SLC2A9: variants seen among roughly 807,000 people sequenced by gnomAD.
SLC2A9 encodes solute carrier family 2, facilitated glucose transporter member 9.
SLC2A9 carries 39 observed loss-of-function variants against 50.6 expected under a neutral mutation model. That is an observed-to-expected ratio of 0.77 (90% CI 0.60 to 1.01). The LOEUF is 1.01. Among genes scored for constraint, SLC2A9 ranks in the 50% least tolerant of loss-of-function variants. The pLI, the probability that SLC2A9 is intolerant of heterozygous loss-of-function variation, is 0.00. For synonymous variants in SLC2A9, 324 were observed against 276.9 expected (o/e 1.17, Z -1.69); for missense variants, 686 against 677.6 (o/e 1.01, Z -0.14).
chr4:9,980,560 G>A, intron 5 of SLC2A9, 32 bp downstream of exon 5: 1 of 1,613,514 alleles, frequency 6.2e-7, no homozygotes. Flanking sequence ...TGAGATGAGA[G>A]CAGATGCGGT....
chr4:9,908,424 C>T (rs1283812421), intron 7 of SLC2A9, 79 bp from the exon 8 acceptor site: 2 of 1,020,214 alleles, frequency 2.0e-6, no homozygotes, highest in Non-Finnish European at 1.5e-6. Context: ...ATTTGGGTAT[C>T]AGGTGGTCTC....
chr4:9,989,744 TG>T (rs1757361303), intron 3 of SLC2A9, among the ~76,000 whole-genome samples: 1 of 152,086 alleles, frequency 6.6e-6, no homozygotes, highest in African/African-American at 2.4e-5. Flanking sequence ...AACCCTCGCC[TG>T]CAAAGTCCTC....
At chr4:9,880,931 T>C (rs1281218239) in intron 10 of SLC2A9, among the ~76,000 whole-genome samples, 1 of 152,184 alleles carries the variant, frequency 6.6e-6, no homozygotes, top group South Asian at 2.1e-4. Context: ...GTGAAATTCA[T>C]GCACACAGAC....
intron 5 of SLC2A9, among the ~76,000 whole-genome samples, chr4:9,963,426 G>A (rs1486752435): frequency 6.6e-6 from 1 of 152,206 alleles, no homozygotes; most frequent in Non-Finnish European, 1.5e-5. Flanking sequence ...CCTCCACATT[G>A]AGGGGGTAGC....
rs73805838 is a variant in SLC2A9 at position 9,773,765 on chromosome 4, A to G, written n.182-2396T>C. ...TCAGAGAGAGATCTTGGTTTCCAGT[A>G]GCTTTTAATTCTGCTCAACTCTTTG... is the stretch of plus-strand genomic sequence containing the variant. On this transcript the variant is annotated intron_variant and non_coding_transcript_variant, in intron 1 of 1. Coordinates refer to the SLC2A9 transcript ENST00000508585. Among the ~76,000 whole-genome samples the G allele has an allele frequency of 5.9e-3, 905 of 152,258 alleles. 11 individuals carry two copies. Among genetic ancestry groups the G allele is most frequent in the African/African-American group, 0.02 (849 of 41,528 alleles).
chr4:9,806,104 C>A (rs1207978974), intron 3 of SLC2A9, among the ~76,000 whole-genome samples: 1 of 152,188 alleles, frequency 6.6e-6, no homozygotes, highest in East Asian at 1.9e-4. Flanking sequence ...TCAGTAAATT[C>A]TTTCCACCTG....
chr4:9,866,722 C>T (rs883041), intron 10 of SLC2A9, among the ~76,000 whole-genome samples: 52,365 of 151,988 alleles, frequency 0.34, 10,652 homozygotes, highest in African/African-American at 0.55. Flanking sequence ...GCACCTTGGA[C>T]GTACTCCCCA....
intron 5 of SLC2A9, among the ~76,000 whole-genome samples, chr4:9,956,951 G>A (rs1202033458): frequency 6.6e-6 from 1 of 152,154 alleles, no homozygotes; most frequent in Non-Finnish European, 1.5e-5. Context: ...AGTGGAGGAA[G>A]TGGCACTCGG....
At chr4:9,825,719 G>A (rs542790283), downstream of SLC2A9, among the ~76,000 whole-genome samples, 47 of 152,260 alleles carry the variant, frequency 3.1e-4, no homozygotes, top group African/African-American at 7.2e-4. Context: ...TGAGGACAGC[G>A]TCAGCCCTGA....
At chr4:9,843,710 G>C (rs537268348) in intron 10 of SLC2A9, among the ~76,000 whole-genome samples, 3 of 152,310 alleles carry the variant, frequency 2.0e-5, no homozygotes, top group South Asian at 4.1e-4. Flanking sequence ...CTAATGCAGA[G>C]AATACACATT....
intron 8 of SLC2A9, among the ~76,000 whole-genome samples, chr4:9,905,034 G>A (rs1399548056): frequency 6.6e-6 from 1 of 152,190 alleles, no homozygotes; most frequent in Non-Finnish European, 1.5e-5. Context: ...CCCCTTATTT[G>A]AGAGGGAAGC....
intron 3 of SLC2A9, among the ~76,000 whole-genome samples, chr4:9,803,269 C>T (rs1721699547): frequency 1.3e-5 from 2 of 152,200 alleles, no homozygotes; most frequent in African/African-American, 4.8e-5. Flanking sequence ...ACAATATGAG[C>T]TTGAGGTTGT....
chr4:9,866,664 C>G (rs1309778459), intron 10 of SLC2A9, among the ~76,000 whole-genome samples: 1 of 152,122 alleles, frequency 6.6e-6, no homozygotes, highest in African/African-American at 2.4e-5. Flanking sequence ...GACGATGCTG[C>G]CATTACTCCT....
chr4:9,951,271 A>G (rs1371627262), intron 5 of SLC2A9, among the ~76,000 whole-genome samples: 1 of 152,172 alleles, frequency 6.6e-6, no homozygotes, highest in Non-Finnish European at 1.5e-5. Flanking sequence ...TCTCTCACTT[A>G]TATGTGGAAG....
chr4:9,951,956 C>A (rs1750357806), intron 5 of SLC2A9, among the ~76,000 whole-genome samples: 1 of 152,236 alleles, frequency 6.6e-6, no homozygotes, highest in Non-Finnish European at 1.5e-5. Context: ...GGCTAAAGCA[C>A]TGTGGCTTCC....
chr4:9,874,421 C>T (rs982520062), intron 10 of SLC2A9, among the ~76,000 whole-genome samples: 17 of 152,314 alleles, frequency 1.1e-4, no homozygotes, highest in African/African-American at 4.1e-4. Flanking sequence ...CAGCTGTCTG[C>T]TTACCCCACC....
intron 10 of SLC2A9, among the ~76,000 whole-genome samples, chr4:9,877,585 C>T (rs1206843274): frequency 6.6e-6 from 1 of 152,200 alleles, no homozygotes; most frequent in Non-Finnish European, 1.5e-5. Flanking sequence ...TCCTGTAAAT[C>T]CAGTAAGCAA....
chr4:9,795,029 T>TTA, downstream of SLC2A9, among the ~76,000 whole-genome samples: 1 of 148,168 alleles, frequency 6.7e-6, no homozygotes, highest in Admixed American at 6.7e-5. Context: ...TTTTTTTTTT[T>TTA]AAGACAAAGT....
At chr4:10,038,490 G>A (rs1176934771) in intron 1 of SLC2A9, among the ~76,000 whole-genome samples, 1 of 110,352 alleles carries the variant, frequency 9.1e-6, no homozygotes, top group Non-Finnish European at 1.7e-5. Context: ...CTGGGTGACA[G>A]AGTAAGACTC....
Sources: gnomAD v4.1 joint callset for allele counts (sites outside exome capture counted in the v4.1 genomes callset) on GRCh38, gnomAD v4.1.1 for gene constraint, MANE v1.5 for transcripts, NCBI Gene and HGNC (gene_info 2026-07-23, HGNC 2026-07-21) for gene names.